ELMOD1: variants seen among roughly 807,000 people sequenced by gnomAD.
ELMOD1 encodes ELMO domain-containing protein 1.
In ELMOD1, 21 loss-of-function variants were observed where a neutral mutation model predicts 46.7. The ratio of observed to expected loss-of-function variants is 0.45; its 90% CI spans 0.32 to 0.65. The LOEUF (loss-of-function observed/expected upper bound fraction) is 0.65, where lower values mean the gene tolerates loss of function less well. Ranked by LOEUF, ELMOD1 falls within the 30% of genes least tolerant of loss-of-function variation. The pLI is 0.04. For synonymous variants in ELMOD1, 122 were observed against 138.2 expected, an observed-to-expected ratio of 0.88 and a Z score of 0.82; for missense variants, 348 against 407.8, an observed-to-expected ratio of 0.85 and a Z score of 1.26.
At chr11:107,642,604 C>G (rs1382665118) in intron 6 of ELMOD1, among the ~76,000 whole-genome samples, 1 of 151,948 alleles carries the variant, frequency 6.6e-6, no homozygotes, top group Non-Finnish European at 1.5e-5. Context: ...CTCCCGACCT[C>G]GTGATCCACC....
chr11:107,642,438 G>A (rs971119343), intron 6 of ELMOD1, among the ~76,000 whole-genome samples: 4 of 149,182 alleles, frequency 2.7e-5, no homozygotes, highest in South Asian at 2.2e-4. Context: ...GCACGATCTC[G>A]GCTCACTGCA....
rs199738409 is a variant in ELMOD1, at chr11:107,592,389, A to C, written c.-86+980A>C. 5.5e-3 allele frequency: 2,934 copies of C among 534,468 alleles called. 59 individuals are homozygous for C. The highest frequency in any genetic ancestry group is 0.032 in the South Asian group (2,272 of 71,562). 33.1% of individuals were successfully genotyped at this position (534,468 alleles called of 1,614,324 possible). A position where few individuals can be genotyped will look rare whatever the true frequency, so the allele number is the denominator to read the frequency against. ...TCAATTGAGTCTGTCATTTGGAGAG[A>C]CCAATTTTGGGCAGGCATCCAGGCA... On this transcript the variant is annotated intron_variant, in intron 1 of 11. Coordinates refer to ENST00000265840, the MANE Select transcript of ELMOD1 (RefSeq NM_018712.4).
intron 1 of ELMOD1, chr11:107,592,945 T>G (rs1241972448): frequency 6.5e-6 from 1 of 152,892 alleles, no homozygotes; most frequent in Non-Finnish European, 1.5e-5. Context: ...GTAATCTTCG[T>G]AAAGACCTAT....
intron 11 of ELMOD1, among the ~76,000 whole-genome samples, chr11:107,660,137 G>A (rs909534067): frequency 2.0e-5 from 3 of 152,086 alleles, no homozygotes; most frequent in African/African-American, 4.8e-5. Flanking sequence ...AGTTCTGCAC[G>A]TCTCCTGTGT....
intron 11 of ELMOD1, among the ~76,000 whole-genome samples, chr11:107,656,487 G>C (rs665357): frequency 6.7e-6 from 1 of 148,470 alleles, no homozygotes; most frequent in Admixed American, 6.7e-5. Flanking sequence ...ATATAATATA[G>C]AGAGAGAGAG....
At chr11:107,646,450 C>T (rs1591131012) in intron 6 of ELMOD1, among the ~76,000 whole-genome samples, 1 of 152,074 alleles carries the variant, frequency 6.6e-6, no homozygotes, top group Non-Finnish European at 1.5e-5. Flanking sequence ...AAAAATGAAA[C>T]TTGGCCGGGT....
At chr11:107,618,014 G>A (rs184666563) in intron 1 of ELMOD1, 91 bp from the exon 2 acceptor site, 9 of 660,416 alleles carry the variant, frequency 1.4e-5, no homozygotes, top group Admixed American at 2.3e-5. Flanking sequence ...TGGCTGGCAT[G>A]TTAACTGCTT....
In ELMOD1 at chr11:107,651,101, G is replaced by A. The variant is rs184878047; in HGVS notation, c.647+193G>A. 4.3e-3 allele frequency among the ~76,000 whole-genome samples: 648 copies of A among 152,240 alleles called. 6 individuals carry two copies. The highest frequency in any genetic ancestry group is 7.1e-3 in the Non-Finnish European group (484 of 68,012). The stretch of plus-strand genomic sequence containing the variant: ...AAAACCAGATGAGATTGACCACTTG[G>A]AAAATGTCAAACAGTCTTTCTACAG... On this transcript the variant is annotated intron_variant, in intron 9 of 11. Coordinates refer to ENST00000265840, the MANE Select transcript of ELMOD1 (RefSeq NM_018712.4).
In ELMOD1 at chr11:107,665,303, G is replaced by C. The variant is rs1866824308; in HGVS notation, c.*106G>C. On this transcript the variant is annotated 3_prime_UTR_variant, in exon 12 of 12. Transcript: ENST00000265840. ...CATTGAATGCACACAGTGATTGTAT[G>C]CATGCCTTTTGGTACAGTGTTTTCA... is the stretch of plus-strand genomic sequence containing the variant. 1 of 1,153,612 alleles carries C rather than the reference G, an allele frequency of 8.7e-7. No individual in the cohort carries two copies. The highest frequency in any genetic ancestry group is 2.1e-5 in the Admixed American group (1 of 47,134). 71.5% of individuals were successfully genotyped at this position (1,153,612 alleles called of 1,614,324 possible).
intron 6 of ELMOD1, among the ~76,000 whole-genome samples, chr11:107,644,805 C>T (rs2135703402): frequency 6.6e-6 from 1 of 152,014 alleles, no homozygotes; most frequent in African/African-American, 2.4e-5. Context: ...GTGCAGGGCC[C>T]TGAGATGACT....
chr11:107,627,782 G>A (rs751514273), intron 2 of ELMOD1, among the ~76,000 whole-genome samples: 3 of 152,144 alleles, frequency 2.0e-5, no homozygotes, highest in African/African-American at 4.8e-5. Flanking sequence ...CTCCTTGAAC[G>A]ATCATAAGGG....
intron 6 of ELMOD1, among the ~76,000 whole-genome samples, chr11:107,639,150 A>AAAT (rs1040637034): frequency 8.5e-4 from 129 of 151,970 alleles, no homozygotes; most frequent in Middle Eastern, 3.4e-3. Context: ...CCTTTCTAAA[A>AAAT]AATAATAATA....
At chr11:107,626,925 A>G (rs567055443) in intron 2 of ELMOD1, among the ~76,000 whole-genome samples, 147 of 152,310 alleles carry the variant, frequency 9.7e-4, no homozygotes, top group South Asian at 1.5e-3. Context: ...AGTTGCTCAC[A>G]TGGAGGTTTT....
At chr11:107,614,865 C>T (rs939208820) in intron 1 of ELMOD1, among the ~76,000 whole-genome samples, 3 of 152,192 alleles carry the variant, frequency 2.0e-5, no homozygotes, top group African/African-American at 4.8e-5. Context: ...TATACATATT[C>T]TGCACTCTTT....
intron 1 of ELMOD1, among the ~76,000 whole-genome samples, chr11:107,604,588 G>A (rs559728513): frequency 6.6e-6 from 1 of 152,160 alleles, no homozygotes; most frequent in South Asian, 2.1e-4. Context: ...TAGTTTAATT[G>A]GCAGCATTTT....
chr11:107,618,183 G>A lies in ELMOD1; in HGVS notation c.-7G>A, dbSNP rs1184454699. ...CATATAGCATCTGGACAGTCAACAC[G>A]GGCACCATGAAGCACTTCCTGAGGT... On this transcript the variant is annotated 5_prime_UTR_variant, in exon 2 of 12. Transcript: ENST00000265840. The A allele has an allele frequency of 8.9e-6, 14 of 1,566,616 alleles. No homozygotes were observed. The highest frequency in any genetic ancestry group is 1.7e-4 in the Middle Eastern group (1 of 6,028).
intron 1 of ELMOD1, among the ~76,000 whole-genome samples, chr11:107,609,395 T>C (rs932841445): frequency 2.0e-5 from 3 of 152,330 alleles, no homozygotes; most frequent in African/African-American, 7.2e-5. Context: ...AGCCTTTTGG[T>C]TGTTACAGGG....
rs11212293 is a variant in ELMOD1, at chr11:107,598,606, G to A, written c.-86+7197G>A. Reference sequence around the variant, plus strand: ...CCCACTCTAGGAGATGAAAGTGCCAGATGGTTCCTTTCCCCAAACCTCCTT... The same window carrying A: ...CCCACTCTAGGAGATGAAAGTGCCAAATGGTTCCTTTCCCCAAACCTCCTT... On this transcript the variant is annotated intron_variant, in intron 1 of 11. Coordinates refer to ENST00000265840, the MANE Select transcript of ELMOD1 (RefSeq NM_018712.4). Among the ~76,000 whole-genome samples, 27 of 152,334 alleles carry A rather than the reference G, an allele frequency of 1.8e-4. No individual in the cohort carries two copies. The East Asian group carries it at 4.8e-3, about 27-fold the overall frequency.
chr11:107,617,939 TAC>T (rs1239055029), intron 1 of ELMOD1, among the ~76,000 whole-genome samples, 164 bp from the exon 2 acceptor site: 1 of 152,228 alleles, frequency 6.6e-6, no homozygotes, highest in Non-Finnish European at 1.5e-5. Context: ...ATAAAGTCTA[TAC>T]CTGTAACCTC....
Sources: gnomAD v4.1 joint callset for allele counts (sites outside exome capture counted in the v4.1 genomes callset) on GRCh38, gnomAD v4.1.1 for gene constraint, MANE v1.5 for transcripts, NCBI Gene and HGNC (gene_info 2026-07-23, HGNC 2026-07-21) for gene names.